Variants in SGCZ observed in about 807,000 individuals in gnomAD.
The protein encoded by SGCZ is zeta-sarcoglycan.
In SGCZ, 40 loss-of-function variants were observed where a neutral mutation model predicts 41.3. The ratio of observed to expected loss-of-function variants is 0.97; its 90% CI spans 0.75 to 1.26. The LOEUF is 1.26. Among genes scored for constraint, SGCZ ranks in the 50% most tolerant of loss-of-function variants. SGCZ has a pLI of 0.00. For synonymous variants in SGCZ, 206 were observed against 137.5 expected (o/e 1.50, Z -3.49); for missense variants, 552 against 369.8 (o/e 1.49, Z -4.04).
At chr8:14,162,158 C>G (rs751598477) in intron 5 of SGCZ, among the ~76,000 whole-genome samples, 5 of 152,204 alleles carry the variant, frequency 3.3e-5, no homozygotes, top group South Asian at 2.1e-4. Context: ...CTTTACTTCG[C>G]TGGAACAATT....
chr8:15,051,526 C>T (rs1804513508), intron 1 of SGCZ, among the ~76,000 whole-genome samples: 1 of 151,916 alleles, frequency 6.6e-6, no homozygotes, highest in South Asian at 2.1e-4. Flanking sequence ...TGAGTACATA[C>T]CCAGGATTGG....
intron 1 of SGCZ, among the ~76,000 whole-genome samples, chr8:14,748,636 A>T (rs1799408857): frequency 6.6e-6 from 1 of 152,224 alleles, no homozygotes. Flanking sequence ...GAAAAAGCTA[A>T]AAGGGAGCAA....
intron 1 of SGCZ, among the ~76,000 whole-genome samples, chr8:15,017,540 C>T (rs975742381): frequency 1.2e-4 from 18 of 152,138 alleles, no homozygotes; most frequent in Admixed American, 3.3e-4. Context: ...CTTACTCTGT[C>T]ACCCAGGCTT....
At chr8:15,010,708 A>T (rs1018891359) in intron 1 of SGCZ, among the ~76,000 whole-genome samples, 8 of 152,186 alleles carry the variant, frequency 5.3e-5, no homozygotes, top group Non-Finnish European at 1.2e-4. Flanking sequence ...TGTGATATAG[A>T]GGCTTGGTAT....
At chr8:14,465,429 A>T (rs533554373) in intron 2 of SGCZ, among the ~76,000 whole-genome samples, 1 of 151,692 alleles carries the variant, frequency 6.6e-6, no homozygotes, top group African/African-American at 2.4e-5. Context: ...CTTTCAATCT[A>T]TTTGTGTCTT....
At chr8:14,435,273 T>A (rs984211041) in intron 2 of SGCZ, among the ~76,000 whole-genome samples, 4 of 152,172 alleles carry the variant, frequency 2.6e-5, no homozygotes, top group Non-Finnish European at 5.9e-5. Flanking sequence ...ATGTTCAACA[T>A]CTCCTCACTC....
At chr8:15,042,414 T>C (rs1428502684) in intron 1 of SGCZ, among the ~76,000 whole-genome samples, 2 of 152,198 alleles carry the variant, frequency 1.3e-5, no homozygotes, top group Non-Finnish European at 2.9e-5. Context: ...TTTGGGGAGC[T>C]GCCAAGTCAG....
intron 2 of SGCZ, among the ~76,000 whole-genome samples, chr8:14,528,715 C>T (rs967870179): frequency 6.6e-6 from 1 of 151,750 alleles, no homozygotes; most frequent in East Asian, 1.9e-4. Context: ...GTTGTCCTCC[C>T]TCTCTGCCCT....
chr8:14,998,842 T>C (rs1347633262), intron 1 of SGCZ, among the ~76,000 whole-genome samples: 1 of 152,174 alleles, frequency 6.6e-6, no homozygotes, highest in African/African-American at 2.4e-5. Context: ...AGAAAACCTA[T>C]TATAAATGTC....
intron 1 of SGCZ, among the ~76,000 whole-genome samples, chr8:14,590,778 A>C (rs1805214606): frequency 1.4e-5 from 2 of 148,116 alleles, no homozygotes; most frequent in South Asian, 2.1e-4. Flanking sequence ...TATATAATAT[A>C]GTATCTGTAC....
intron 4 of SGCZ, among the ~76,000 whole-genome samples, chr8:14,225,151 T>C (rs1019466930): frequency 2.6e-5 from 4 of 152,142 alleles, no homozygotes; most frequent in Non-Finnish European, 4.4e-5. Flanking sequence ...TTTCCTCTTA[T>C]CAATGTGATA....
Position 14,681,347 on chromosome 8 carries a change from G to GA in SGCZ, c.40-126422dup, listed in dbSNP as rs1296902786. On this transcript the variant is annotated intron_variant, in intron 1 of 7. Transcript: ENST00000382080. ...TGCCATATCTAATGTATTAAAGGGG[G>GA]AAAAATGACAGCCTAGGCTTCTATA... 3.1e-4 allele frequency among the ~76,000 whole-genome samples: 47 copies of GA among 152,220 alleles called. 1 individual carries two copies. Among genetic ancestry groups the GA allele is most frequent in the African/African-American group, 1.1e-3 (46 of 41,558 alleles).
chr8:14,578,569 G>C (rs1449231364), intron 1 of SGCZ, among the ~76,000 whole-genome samples: 2 of 152,208 alleles, frequency 1.3e-5, no homozygotes. Flanking sequence ...TTGGAAAAAA[G>C]TGAATATAAT....
At chr8:14,818,779 T>C (rs899516051) in intron 1 of SGCZ, among the ~76,000 whole-genome samples, 10 of 151,700 alleles carry the variant, frequency 6.6e-5, no homozygotes, top group African/African-American at 2.2e-4. Context: ...ATGAAGGAAA[T>C]AAAAAATACA....
intron 2 of SGCZ, among the ~76,000 whole-genome samples, chr8:14,464,095 T>C (rs1022746608): frequency 2.0e-5 from 3 of 151,704 alleles, no homozygotes; most frequent in Non-Finnish European, 3.0e-5. Context: ...CTTGTATTTT[T>C]GTCTTGCTTT....
At chr8:14,598,759 G>C (rs957606231) in intron 1 of SGCZ, among the ~76,000 whole-genome samples, 1 of 151,764 alleles carries the variant, frequency 6.6e-6, no homozygotes, top group South Asian at 2.1e-4. Context: ...CAAATTTCTG[G>C]GCTTAAGCAA....
At chr8:15,035,779 G>A (rs918686832) in intron 1 of SGCZ, among the ~76,000 whole-genome samples, 17 of 151,992 alleles carry the variant, frequency 1.1e-4, no homozygotes, top group Admixed American at 6.6e-5. Flanking sequence ...TTTATCAAGA[G>A]AATATAACAA....
chr8:14,333,372 T>C (rs544296940), intron 2 of SGCZ, among the ~76,000 whole-genome samples: 7 of 152,256 alleles, frequency 4.6e-5, no homozygotes, highest in East Asian at 3.9e-4. Flanking sequence ...TAATGTTTTG[T>C]ACCCTAAAAA....
At chr8:14,184,436 T>C (rs1373017174) in intron 4 of SGCZ, among the ~76,000 whole-genome samples, 4 of 152,308 alleles carry the variant, frequency 2.6e-5, no homozygotes, top group Non-Finnish European at 4.4e-5. Flanking sequence ...AAAAGTTCTT[T>C]ATTAAACATC....
Sources: allele counts gnomAD v4.1 joint callset (sites outside exome capture counted in the v4.1 genomes callset), GRCh38; gene constraint gnomAD v4.1.1; transcripts MANE v1.5; gene names NCBI Gene and HGNC (gene_info 2026-07-23, HGNC 2026-07-21).